Variants in ASTN2 observed in about 807,000 individuals in gnomAD.
ASTN2 encodes astrotactin-2.
A neutral mutation model predicts 139.8 loss-of-function variants in ASTN2; 54 were observed. The observed-to-expected ratio is 0.39, with a 90% CI of 0.31 to 0.48. The LOEUF (loss-of-function observed/expected upper bound fraction) is 0.48. ASTN2 is among the 20% of genes least tolerant of loss of function. The pLI is 0.95. For synonymous variants in ASTN2, 756 were observed against 719.5 expected, an observed-to-expected ratio of 1.05 and a Z score of -0.81; for missense variants, 1,565 against 1,725.1, an observed-to-expected ratio of 0.91 and a Z score of 1.64.
At chr9:117,164,330 C>A (rs901399049) in intron 3 of ASTN2, among the ~76,000 whole-genome samples, 1 of 152,132 alleles carries the variant, frequency 6.6e-6, no homozygotes, top group African/African-American at 2.4e-5. Context: ...GCTGAAGAAC[C>A]CTTTGGCCCT....
At chr9:116,492,683 C>T (rs2119106874) in intron 19 of ASTN2, among the ~76,000 whole-genome samples, 1 of 152,268 alleles carries the variant, frequency 6.6e-6, no homozygotes, top group South Asian at 2.1e-4. Flanking sequence ...CTTTATTCAA[C>T]ATGAATGTGA....
chr9:117,235,867 A>G (rs1833029720), intron 2 of ASTN2, among the ~76,000 whole-genome samples: 1 of 152,218 alleles, frequency 6.6e-6, no homozygotes, highest in Non-Finnish European at 1.5e-5. Flanking sequence ...CTAGCCCTAC[A>G]GTTTGCAGAC....
At chr9:117,140,889 A>G (rs781693665) in intron 4 of ASTN2, among the ~76,000 whole-genome samples, 36 of 152,186 alleles carry the variant, frequency 2.4e-4, no homozygotes, top group Non-Finnish European at 2.9e-4. Flanking sequence ...CTAATTTACA[A>G]TACCACTCTT....
In ASTN2 at chr9:116,651,569, C is replaced by T. The variant is rs934313559; in HGVS notation, c.3031G>A (p.Val1011Met). Residue 1011 changes from valine to methionine, a missense_variant, in exon 17 of 23, where the codon GTG becomes ATG. By Grantham distance (21) the Val-to-Met change is conservative. Coordinates refer to ENST00000313400, the MANE Select transcript of ASTN2 (RefSeq NM_001365068.1). ...TPVLLEINRVVPLYTLIQDNG... is the reference protein window; with the variant it reads ...TPVLLEINRVMPLYTLIQDNG... ...TCTTGGATGAGGGTATAAAGTGGCA[C>T]CACACGGTTGATTTCCAGCAGCACT... is the stretch of plus-strand genomic sequence containing the variant. 3 of 1,614,058 alleles carry T rather than the reference C, an allele frequency of 1.9e-6. No homozygotes were observed. Among genetic ancestry groups the T allele is most frequent in the Non-Finnish European group, 2.5e-6 (3 of 1,180,044 alleles).
intron 3 of ASTN2, among the ~76,000 whole-genome samples, chr9:117,191,120 T>C (rs1831336390): frequency 6.6e-6 from 1 of 151,720 alleles, no homozygotes; most frequent in Admixed American, 6.6e-5. Flanking sequence ...ATTCAGACCA[T>C]TTGACCCAAT....
intron 13 of ASTN2, among the ~76,000 whole-genome samples, chr9:116,775,797 G>GAGGAGGGA (rs1219633424): frequency 3.3e-4 from 49 of 146,872 alleles, no homozygotes; most frequent in Admixed American, 2.7e-3. Context: ...AGGAGGGAAG[G>GAGGAGGGA]AGGAGGGAAG....
chr9:117,337,206 C>A (rs1828915346), intron 1 of ASTN2, among the ~76,000 whole-genome samples: 1 of 150,346 alleles, frequency 6.7e-6, no homozygotes, highest in Non-Finnish European at 1.5e-5. Context: ...ATGGGGAATT[C>A]CCATTTTATA....
intron 10 of ASTN2, among the ~76,000 whole-genome samples, chr9:116,918,045 G>A (rs1387905349): frequency 2.6e-5 from 4 of 152,068 alleles, no homozygotes; most frequent in African/African-American, 4.8e-5. Context: ...AGGGGTTTCC[G>A]CTTTTGCTTC....
chr9:117,108,874 G>A lies in ASTN2; in HGVS notation c.1169-12723C>T, dbSNP rs142367161. Among the ~76,000 whole-genome samples, 131 of 152,214 alleles carry A rather than the reference G, an allele frequency of 8.6e-4. 1 individual carries two copies. The highest frequency in any genetic ancestry group is 3.1e-3 in the African/African-American group (127 of 41,538). Reference sequence around the variant, plus strand: ...TCATGAACCCATGATGGCTTCTGGTGCTCCCAACTTCCCTTCACATATTGA... The same window carrying A: ...TCATGAACCCATGATGGCTTCTGGTACTCCCAACTTCCCTTCACATATTGA... On this transcript the variant is annotated intron_variant, in intron 4 of 22. Coordinates refer to ENST00000313400, the MANE Select transcript of ASTN2 (RefSeq NM_001365068.1).
chr9:116,614,611 A>G (rs995024306), intron 19 of ASTN2, among the ~76,000 whole-genome samples: 71 of 152,318 alleles, frequency 4.7e-4, no homozygotes, highest in Non-Finnish European at 9.6e-4. Context: ...TGACAAAAAC[A>G]AGAAATGGGG....
chr9:117,386,491 T>C (rs1354318661), intron 1 of ASTN2, among the ~76,000 whole-genome samples: 1 of 152,100 alleles, frequency 6.6e-6, no homozygotes, highest in Non-Finnish European at 1.5e-5. Flanking sequence ...TGATCAGCCT[T>C]AATACACCTC....
chr9:116,528,251 G>GGAGC (rs1851178576), intron 19 of ASTN2, among the ~76,000 whole-genome samples: 1 of 152,208 alleles, frequency 6.6e-6, no homozygotes, highest in Admixed American at 6.5e-5. Flanking sequence ...ATTGGGAACT[G>GGAGC]GAGCAAAGGT....
chr9:117,399,524 T>C (rs922109775), intron 1 of ASTN2, among the ~76,000 whole-genome samples: 30 of 152,234 alleles, frequency 2.0e-4, no homozygotes, highest in African/African-American at 6.5e-4. Flanking sequence ...TTAACTTCGA[T>C]AGAGACATAC....
chr9:116,725,483 G>A (rs1256698368), intron 16 of ASTN2, among the ~76,000 whole-genome samples: 1 of 151,962 alleles, frequency 6.6e-6, no homozygotes, highest in Non-Finnish European at 1.5e-5. Flanking sequence ...GAGAGGATGT[G>A]GGAAGCAAAG....
chr9:117,319,047 T>C (rs983917803), intron 1 of ASTN2, among the ~76,000 whole-genome samples: 1 of 152,182 alleles, frequency 6.6e-6, no homozygotes, highest in Non-Finnish European at 1.5e-5. Flanking sequence ...AAATTCCTTC[T>C]CTTCCAAAGG....
intron 3 of ASTN2, among the ~76,000 whole-genome samples, chr9:117,181,559 C>T (rs532400814): frequency 6.6e-6 from 1 of 152,220 alleles, no homozygotes; most frequent in South Asian, 2.1e-4. Flanking sequence ...TATTTTATAG[C>T]ATGCTAGACA....
At chr9:117,382,069 T>A (rs1459064537) in intron 1 of ASTN2, among the ~76,000 whole-genome samples, 1 of 152,130 alleles carries the variant, frequency 6.6e-6, no homozygotes, top group Non-Finnish European at 1.5e-5. Flanking sequence ...TAGGCTTGGT[T>A]TTTGTCCTCA....
chr9:117,214,379 T>C lies in ASTN2; in HGVS notation c.994A>G (p.Lys332Glu). 2 of 1,590,570 alleles carry C rather than the reference T, an allele frequency of 1.3e-6. No homozygotes were observed. The highest frequency in any genetic ancestry group is 2.2e-5 in the South Asian group (2 of 89,726). Residue 332 changes from lysine to glutamate, a missense_variant, in exon 3 of 23, where the codon AAG (lysine) becomes GAG (glutamate). Coordinates refer to ENST00000313400, the MANE Select transcript of ASTN2 (RefSeq NM_001365068.1). ...LDSLGHPGEE[K>E]VDFEKKAAAE... ...TCACCTTTCTTCTCAAAGTCCACCT[T>C]CTCTTCCCCTGGATGTCCCAGACTG...
intron 19 of ASTN2, among the ~76,000 whole-genome samples, chr9:116,508,851 C>G (rs933107454): frequency 6.6e-6 from 1 of 151,988 alleles, no homozygotes; most frequent in African/African-American, 2.4e-5. Context: ...GAAGGAAGTG[C>G]TAGGAAGAAA....
Sources: allele counts gnomAD v4.1 joint callset (sites outside exome capture counted in the v4.1 genomes callset), GRCh38; gene constraint gnomAD v4.1.1; transcripts MANE v1.5; gene names NCBI Gene and HGNC (gene_info 2026-07-23, HGNC 2026-07-21).